Variants in DNAJC14 observed in about 807,000 individuals in gnomAD.
The protein encoded by DNAJC14 is dnaJ homolog subfamily C member 14.
Under a neutral mutation model 68.8 loss-of-function variants are expected in DNAJC14, and 12 were observed. The ratio of observed to expected loss-of-function variants is 0.17; its 90% CI spans 0.11 to 0.28. The LOEUF is 0.28. Among genes scored for constraint, DNAJC14 ranks in the 10% least tolerant of loss-of-function variants. DNAJC14 has a pLI of 1.00. For synonymous variants in DNAJC14, 350 were observed against 321.5 expected, an observed-to-expected ratio of 1.09 and a Z score of -0.95; for missense variants, 764 against 875.6, an observed-to-expected ratio of 0.87 and a Z score of 1.61.
In DNAJC14 at chr12:55,827,698, T is replaced by G. The variant is rs772510460; in HGVS notation, c.961A>C (p.Thr321Pro). The change falls in exon 2 of 7, where the codon ACT becomes CCT. Residue 321 changes from threonine to proline, a missense_variant. Around this residue, in one of 4 missense-constraint regions of DNAJC14, gnomAD observed 514 missense variants for 521.7 expected, o/e 0.99. Transcript: ENST00000678005. Reference sequence around the variant, plus strand: ...GCACCCAGCAGCTTAAGAAAACGAGTAAACAGTCCTACTCCACAGTAAAAC... The same window carrying G: ...GCACCCAGCAGCTTAAGAAAACGAGGAAACAGTCCTACTCCACAGTAAAAC... ...QGFYCGVGLF[T>P]RFLKLLGALL... 1 of 1,613,744 alleles carries G rather than the reference T, an allele frequency of 6.2e-7. No individual in the cohort carries two copies. Among genetic ancestry groups the G allele is most frequent in the Non-Finnish European group, 8.5e-7 (1 of 1,179,926 alleles).
chr12:55,825,542 CT>C (rs11375162), intron 2 of DNAJC14, among the ~76,000 whole-genome samples: 9,024 of 121,898 alleles, frequency 0.074, 322 homozygotes, highest in African/African-American at 0.13. Flanking sequence ...TGCACACCCT[CT>C]TTTTTTTTTT....
At chr12:55,825,542 C>CTTTTTT (rs11375162) in intron 2 of DNAJC14, among the ~76,000 whole-genome samples, 1 of 122,040 alleles carries the variant, frequency 8.2e-6, no homozygotes, top group Non-Finnish European at 1.6e-5. Context: ...TGCACACCCT[C>CTTTTTT]TTTTTTTTTT....
chr12:55,827,228 A>G, intron 2 of DNAJC14, 24 bp downstream of exon 2: 1 of 1,407,712 alleles, frequency 7.1e-7, no homozygotes, highest in Non-Finnish European at 9.3e-7. Context: ...AAAAGAGAGA[A>G]ACAGGAAACA....
intron 2 of DNAJC14, among the ~76,000 whole-genome samples, chr12:55,825,036 G>A (rs1320799411): frequency 6.6e-6 from 1 of 151,552 alleles, no homozygotes; most frequent in South Asian, 2.1e-4. Context: ...GGAAGCTGAG[G>A]TGGAAGCCAC....
intron 2 of DNAJC14, 108 bp from the exon 3 acceptor site, chr12:55,823,616 T>C (rs964302095): frequency 7.9e-6 from 7 of 887,104 alleles, no homozygotes; most frequent in Admixed American, 2.2e-5. Context: ...GAAGAGTCAG[T>C]GTAGCTTAAT....
chr12:55,825,268 G>C (rs1592593703), intron 2 of DNAJC14, among the ~76,000 whole-genome samples: 1 of 151,696 alleles, frequency 6.6e-6, no homozygotes, highest in African/African-American at 2.4e-5. Context: ...GGAAACTTTA[G>C]TTGCCCATTC....
chr12:55,827,921 T>C lies in DNAJC14; in HGVS notation c.738A>G (p.Gln246=), dbSNP rs1252058665. The change falls in exon 2 of 7, where the codon CAA becomes CAG. Residue 246 remains glutamine, a synonymous_variant. Transcript: ENST00000678005. ...LGLWGAEELC[Q]LGQAGFWWLI... is the part of the protein sequence containing the mutation. The stretch of plus-strand genomic sequence containing the variant: ...GCCACCAAAAGCCTGCCTGTCCAAG[T>C]TGACATAGTTCCTCGGCTCCCCACA... 3 of 1,606,658 alleles carry C rather than the reference T, an allele frequency of 1.9e-6. No individual in the cohort carries two copies. The East Asian group carries it at 6.7e-5, about 36-fold the overall frequency.
Position 55,829,471 on chromosome 12 carries a change from AAAAAAAG to A in DNAJC14, c.-57+11_-57+17del. 3.0e-6 allele frequency: 3 copies of A among 984,702 alleles called. No individual in the cohort carries two copies. The highest frequency in any genetic ancestry group is 2.4e-6 in the Non-Finnish European group (2 of 829,806). The allele number at this position is 984,702 out of a possible 1,614,324, so 61.0% of individuals were successfully genotyped here. A position where few individuals can be genotyped will look rare whatever the true frequency, so the allele number is the denominator to read the frequency against. ...AAAAAACAAAAAAAAACGAAAAAAA[AAAAAAAG>A]ACGGACGTACCGAAGAACGGCGGTA... On this transcript the variant is annotated intron_variant, in intron 1 of 6. Transcript: ENST00000678005.
rs79015557 is a variant in DNAJC14 at position 55,821,332 on chromosome 12, G to A, written c.*645C>T. Reference sequence around the variant, plus strand: ...CTTTTAAATATTATATCAGGATAAAGGAGAGGGCTCCCTCCTGAAATGGGT... The same window carrying A: ...CTTTTAAATATTATATCAGGATAAAAGAGAGGGCTCCCTCCTGAAATGGGT... On this transcript the variant is annotated 3_prime_UTR_variant, in exon 7 of 7. Coordinates refer to ENST00000678005, the MANE Select transcript of DNAJC14 (RefSeq NM_032364.6). 2,165 of 152,682 alleles carry A rather than the reference G, an allele frequency of 0.014. 28 individuals carry two copies. The highest frequency in any genetic ancestry group is 0.023 in the Non-Finnish European group (1,574 of 68,028). The allele number at this position is 152,682 out of a possible 1,614,324, so 9.5% of individuals were successfully genotyped here.
At chr12:55,824,419 C>G (rs1409267279) in intron 2 of DNAJC14, among the ~76,000 whole-genome samples, 4 of 152,296 alleles carry the variant, frequency 2.6e-5, no homozygotes, top group Non-Finnish European at 5.9e-5. Context: ...GTAATATCCT[C>G]TCTTCCTACA....
upstream of DNAJC14, chr12:55,829,715 T>G (rs1020499072): frequency 3.2e-6 from 2 of 622,918 alleles, no homozygotes; most frequent in Admixed American, 6.3e-5. Flanking sequence ...CAGCTAGGGC[T>G]GCGTCGACTC....
chr12:55,828,183 G>A lies in DNAJC14; in HGVS notation c.476C>T (p.Ser159Phe), dbSNP rs563609244. The change falls in exon 2 of 7, where the codon TCT becomes TTT. Residue 159 changes from serine (S) to phenylalanine (F), a missense_variant. Ser to Phe is a radical substitution (Grantham distance 155). Around this residue, in one of 4 missense-constraint regions of DNAJC14, gnomAD observed 514 missense variants for 521.7 expected, o/e 0.99. Coordinates refer to ENST00000678005, the MANE Select transcript of DNAJC14 (RefSeq NM_032364.6). Reference sequence around the variant, plus strand: ...CAACTCATCTTCCCCCAAAGCTGGAGAGGTACAGTGGTGGCAAAAGTTGCT... The same window carrying A: ...CAACTCATCTTCCCCCAAAGCTGGAAAGGTACAGTGGTGGCAAAAGTTGCT... The part of the protein sequence containing the change: ...SSSNFCHHCT[S>F]PALGEDELEE... 6 of 1,612,864 alleles carry A rather than the reference G, an allele frequency of 3.7e-6. No individual in the cohort carries two copies. The highest frequency in any genetic ancestry group is 3.3e-5 in the Admixed American group (2 of 59,762).
chr12:55,824,738 T>C (rs1382268563), intron 2 of DNAJC14, among the ~76,000 whole-genome samples: 1 of 152,110 alleles, frequency 6.6e-6, no homozygotes, highest in African/African-American at 2.4e-5. Context: ...AAGAATAATA[T>C]TCTCCAAAAC....
rs768762222 is a variant in DNAJC14, at chr12:55,827,976, C to G, written c.683G>C (p.Ser228Thr). 2 of 1,612,986 alleles carry G rather than the reference C, an allele frequency of 1.2e-6. No homozygotes were observed. Among genetic ancestry groups the G allele is most frequent in the African/African-American group, 2.7e-5 (2 of 74,926 alleles). ...CAGGCCTTTGCGCTTATCTGCCTGA[C>G]TTCGTTTCCGACCCAGCCGATGTCG... ...PGRHRLGRKR[S>T]QADKRKGLGL... The change falls in exon 2 of 7, where the codon AGT becomes ACT. Residue 228 changes from serine to threonine, a missense_variant. This residue lies in a region of DNAJC14 where 514 missense variants were observed against 521.7 expected (regional missense o/e 0.99). Coordinates refer to ENST00000678005, the MANE Select transcript of DNAJC14 (RefSeq NM_032364.6).
chr12:55,829,232 G>A (rs1880899212), intron 1 of DNAJC14: 2 of 942,706 alleles, frequency 2.1e-6, no homozygotes, highest in Middle Eastern at 5.4e-4. Flanking sequence ...GGATCACGAG[G>A]TCAGGAGTTC....
intron 2 of DNAJC14, among the ~76,000 whole-genome samples, chr12:55,826,821 C>A (rs138611520): frequency 6.7e-6 from 1 of 149,716 alleles, no homozygotes; most frequent in African/African-American, 2.5e-5. Flanking sequence ...AAAAGAAGAA[C>A]GTTAACCTTC....
chr12:55,822,401 G>A lies in DNAJC14; in HGVS notation c.1870C>T (p.Arg624Trp), dbSNP rs755633581. Residue 624 changes from arginine (R) to tryptophan (W), a missense_variant, in exon 6 of 7, where the codon CGG becomes TGG. By Grantham distance (101) the Arg-to-Trp change is moderately radical (BLOSUM62 -3). This residue lies in a region of DNAJC14 where 134 missense variants were observed against 162.3 expected (regional missense o/e 0.83). Transcript: ENST00000678005. ...TGCCGCCCTCTGGTGCCTGGAATCCGAGAACCAAATGAGATGTGATAGGGG... is the reference window on the plus strand; with the variant it reads ...TGCCGCCCTCTGGTGCCTGGAATCCAAGAACCAAATGAGATGTGATAGGGG... ...RVPYHISFGS[R>W]IPGTRGRQRA... The A allele has an allele frequency of 3.7e-6, 6 of 1,613,006 alleles. No individual in the cohort carries two copies. Among genetic ancestry groups the A allele is most frequent in the African/African-American group, 1.3e-5 (1 of 74,870 alleles).
chr12:55,826,393 CCCG>C (rs1880795928), intron 2 of DNAJC14, among the ~76,000 whole-genome samples: 1 of 150,930 alleles, frequency 6.6e-6, no homozygotes, highest in Non-Finnish European at 1.5e-5. Flanking sequence ...ACCTCAGCCT[CCCG>C]AGTAGCTGGG....
At chr12:55,822,549 T>G (rs1233531763) in intron 5 of DNAJC14, 23 bp downstream of exon 5, 1 of 1,613,956 alleles carries the variant, frequency 6.2e-7, no homozygotes, top group Non-Finnish European at 8.5e-7. Flanking sequence ...TATGAGCCTG[T>G]ATTTCTAGAG....
Sources: allele counts gnomAD v4.1 joint callset (sites outside exome capture counted in the v4.1 genomes callset), GRCh38; gene constraint gnomAD v4.1.1; regional missense constraint gnomAD v4.1.1; transcripts MANE v1.5; gene names NCBI Gene and HGNC (gene_info 2026-07-23, HGNC 2026-07-21).